PEAK1: variants seen among roughly 807,000 people sequenced by gnomAD.
PEAK1 encodes the protein pseudopodium enriched atypical kinase 1.
In PEAK1, 54 loss-of-function variants were observed where a neutral mutation model predicts 124.7. That is an observed-to-expected ratio of 0.43 (90% confidence interval 0.35 to 0.54). The LOEUF (loss-of-function observed/expected upper bound fraction) is 0.54, where lower values mean the gene tolerates loss of function less well. Ranked by LOEUF, PEAK1 falls within the 20% of genes least tolerant of loss-of-function variation. The probability of loss-of-function intolerance (pLI) is 0.01; values close to 1 mark genes in which losing one functional copy is unlikely to be tolerated. For missense variants in PEAK1, 2,046 were observed against 2,134.5 expected (o/e 0.96, Z 0.82); for synonymous variants, 719 against 760.0 (o/e 0.95, Z 0.89).
At chr15:77,218,382 T>C (rs2059237549) in intron 6 of PEAK1, among the ~76,000 whole-genome samples, 1 of 152,110 alleles carries the variant, frequency 6.6e-6, no homozygotes, top group South Asian at 2.1e-4. Context: ...TTTATTGAAA[T>C]AATCATGTTT....
rs532496507 is a variant in PEAK1, at chr15:77,255,376, C to G, written c.-274-2850G>C. On this transcript the variant is annotated intron_variant, in intron 5 of 9. Transcript: ENST00000682557. ...CATTTATTCCAAGCTTCTGCCGGTA[C>G]CAATCCTTATTTTTATTTCATATTT... 3.2e-5 allele frequency: 31 copies of G among 983,600 alleles called. No individual in the cohort carries two copies. In the South Asian group the frequency reaches 1.2e-3, roughly 37 times the overall value. 60.9% of individuals were successfully genotyped at this position (983,600 alleles called of 1,614,324 possible). A position where few individuals can be genotyped will look rare whatever the true frequency, so the allele number is the denominator to read the frequency against.
intron 8 of PEAK1, among the ~76,000 whole-genome samples, chr15:77,136,781 GA>G (rs758944097): frequency 8.5e-5 from 13 of 152,224 alleles, no homozygotes; most frequent in Non-Finnish European, 1.9e-4. Flanking sequence ...GCTGGTTGCA[GA>G]AATTTGCAGA....
chr15:77,162,667 A>G (rs369404172), intron 7 of PEAK1, among the ~76,000 whole-genome samples: 3 of 152,196 alleles, frequency 2.0e-5, no homozygotes, highest in East Asian at 3.8e-4. Context: ...TGGAGAAAAC[A>G]ATAAAATGGG....
At chr15:77,166,499 A>G (rs921263292) in intron 7 of PEAK1, among the ~76,000 whole-genome samples, 2 of 152,220 alleles carry the variant, frequency 1.3e-5, no homozygotes, top group Admixed American at 6.5e-5. Context: ...TAAAGGCTGG[A>G]TGTTGGAATT....
At chr15:77,196,701 T>C (rs1290315856) in intron 6 of PEAK1, among the ~76,000 whole-genome samples, 1 of 152,230 alleles carries the variant, frequency 6.6e-6, no homozygotes, top group Admixed American at 6.5e-5. Flanking sequence ...GGAAAAATAA[T>C]CAACTTGGAA....
chr15:77,366,746 T>C (rs2068268504), intron 1 of PEAK1, among the ~76,000 whole-genome samples: 1 of 152,126 alleles, frequency 6.6e-6, no homozygotes, highest in Non-Finnish European at 1.5e-5. Flanking sequence ...TTTGTAGAGA[T>C]GGGGTTTTGC....
chr15:77,364,923 T>C (rs922989551), intron 2 of PEAK1, among the ~76,000 whole-genome samples: 1 of 152,180 alleles, frequency 6.6e-6, no homozygotes, highest in African/African-American at 2.4e-5. Flanking sequence ...CGTCTTTGAG[T>C]ATTAAAGATA....
At chr15:77,184,407 T>C (rs2152825230) in intron 6 of PEAK1, among the ~76,000 whole-genome samples, 1 of 152,342 alleles carries the variant, frequency 6.6e-6, no homozygotes, top group Middle Eastern at 3.4e-3. Context: ...AAAACAGTTT[T>C]GCAGTTTCTT....
intron 5 of PEAK1, among the ~76,000 whole-genome samples, chr15:77,267,668 C>T (rs1285989164): frequency 6.6e-6 from 1 of 152,176 alleles, no homozygotes; most frequent in East Asian, 1.9e-4. Flanking sequence ...AAGGGAAGAG[C>T]ACCACATGAA....
At chr15:77,149,780 C>T (rs928952396) in intron 8 of PEAK1, among the ~76,000 whole-genome samples, 1 of 151,728 alleles carries the variant, frequency 6.6e-6, no homozygotes, top group African/African-American at 2.4e-5. Flanking sequence ...GACAGTGTCT[C>T]CCTTTGTCAC....
intron 6 of PEAK1, among the ~76,000 whole-genome samples, chr15:77,217,921 G>A (rs374687242): frequency 8.5e-5 from 13 of 152,082 alleles, no homozygotes; most frequent in African/African-American, 2.9e-4. Context: ...TTTTCCAAAT[G>A]TGTATTGCAA....
At chr15:77,183,816 A>G (rs2057401466) in intron 6 of PEAK1, among the ~76,000 whole-genome samples, 1 of 152,108 alleles carries the variant, frequency 6.6e-6, no homozygotes, top group African/African-American at 2.4e-5. Context: ...ACACTTAACC[A>G]AATATATATG....
In PEAK1 at chr15:77,179,701, C is replaced by T. The variant is rs1351877541; in HGVS notation, c.2226G>A (p.Val742=). The change falls in exon 7 of 10, where the codon GTG becomes GTA. Residue 742 remains valine, a synonymous_variant. Coordinates refer to ENST00000682557, the MANE Select transcript of PEAK1 (RefSeq NM_001385026.1). Reference sequence around the variant, plus strand: ...ACTCCTGAGTGCCTTCTATTTTGGCCACAGGCTCTTGAGTGGCTCTCTGGA... The same window carrying T: ...ACTCCTGAGTGCCTTCTATTTTGGCTACAGGCTCTTGAGTGGCTCTCTGGA... ...AKIQRATQEP[V]AKIEGTQESQ... is the part of the protein sequence containing the mutation. 7 of 1,613,878 alleles carry T rather than the reference C, an allele frequency of 4.3e-6. No individual in the cohort carries two copies. The highest frequency in any genetic ancestry group is 2.2e-5 in the East Asian group (1 of 44,876).
chr15:77,364,164 A>G (rs1457406965), intron 2 of PEAK1, among the ~76,000 whole-genome samples: 2 of 152,144 alleles, frequency 1.3e-5, no homozygotes, highest in East Asian at 3.9e-4. Context: ...TTGCCACCGC[A>G]CTCCAGCTTG....
At chr15:77,349,507 A>C in intron 2 of PEAK1, 1 of 985,194 alleles carries the variant, frequency 1.0e-6, no homozygotes, top group Non-Finnish European at 1.2e-6. Flanking sequence ...ATATTGGCTT[A>C]ATATAATGTA....
chr15:77,397,951 G>C (rs980922602), intron 1 of PEAK1, among the ~76,000 whole-genome samples: 1 of 152,172 alleles, frequency 6.6e-6, no homozygotes, highest in Non-Finnish European at 1.5e-5. Flanking sequence ...TGTAATCCCA[G>C]CTACTCGGGA....
Position 77,180,279 on chromosome 15 carries a change from G to A in PEAK1, c.1648C>T (p.Leu550=), listed in dbSNP as rs773487999. The A allele has an allele frequency of 8.7e-6, 14 of 1,614,042 alleles. No homozygotes were observed. The highest frequency in any genetic ancestry group is 1.7e-5 in the Admixed American group (1 of 60,006). ...SPRQKIPKVE[L]ITSGTGPNVP... The stretch of plus-strand genomic sequence containing the variant: ...TTTGGTCCAGTTCCACTAGTAATTA[G>A]TTCTACTTTAGGTATCTTTTGTCGT... The change falls in exon 7 of 10, where the codon CTA becomes TTA. Residue 550 remains leucine (L), a synonymous_variant. Transcript: ENST00000682557.
At chr15:77,146,531 C>T (rs1209334910) in intron 8 of PEAK1, among the ~76,000 whole-genome samples, 2 of 152,112 alleles carry the variant, frequency 1.3e-5, no homozygotes, top group Non-Finnish European at 2.9e-5. Context: ...TTAAATACTG[C>T]ACTCTCTCAA....
At chr15:77,366,916 A>G (rs918027160) in intron 1 of PEAK1, among the ~76,000 whole-genome samples, 1 of 152,176 alleles carries the variant, frequency 6.6e-6, no homozygotes, top group Non-Finnish European at 1.5e-5. Flanking sequence ...CAGGTGGATC[A>G]TGAGGTCAGG....
Sources: gnomAD v4.1 joint callset for allele counts (sites outside exome capture counted in the v4.1 genomes callset) on GRCh38, gnomAD v4.1.1 for gene constraint, MANE v1.5 for transcripts, NCBI Gene and HGNC (gene_info 2026-07-23, HGNC 2026-07-21) for gene names.